SCPEP1: variants seen among roughly 807,000 people sequenced by gnomAD.
SCPEP1 encodes retinoid-inducible serine carboxypeptidase.
SCPEP1 carries 51 observed loss-of-function variants against 63.8 expected under a neutral mutation model. The observed-to-expected ratio is 0.80, with a 90% confidence interval of 0.64 to 1.01. The LOEUF is 1.01. Among genes scored for constraint, SCPEP1 ranks in the 50% least tolerant of loss-of-function variants. The pLI, the probability that SCPEP1 is intolerant of heterozygous loss-of-function variation, is 0.00. For synonymous variants in SCPEP1, 204 were observed against 207.8 expected, an observed-to-expected ratio of 0.98 and a Z score of 0.16; for missense variants, 499 against 554.9, an observed-to-expected ratio of 0.90 and a Z score of 1.01.
intron 2 of SCPEP1, among the ~76,000 whole-genome samples, chr17:56,981,827 A>G (rs1292220577): frequency 2.0e-5 from 3 of 152,148 alleles, no homozygotes; most frequent in Non-Finnish European, 2.9e-5. Flanking sequence ...ATCTCAAAAG[A>G]AAAAAGAAAA....
intron 3 of SCPEP1, 144 bp downstream of exon 3, chr17:56,985,611 G>A (rs929410687): frequency 5.5e-5 from 36 of 652,982 alleles, no homozygotes; most frequent in Non-Finnish European, 8.2e-5. Flanking sequence ...GCACTTGTCC[G>A]CAGGCTTCCT....
intron 12 of SCPEP1, among the ~76,000 whole-genome samples, chr17:57,004,155 T>C (rs1911818929): frequency 6.6e-6 from 1 of 152,252 alleles, no homozygotes; most frequent in African/African-American, 2.4e-5. Context: ...GCCAAGATAG[T>C]GCCATTGCAT....
At chr17:56,982,472 A>G (rs3095496) in intron 2 of SCPEP1, among the ~76,000 whole-genome samples, 25,625 of 152,186 alleles carry the variant, frequency 0.17, 2,373 homozygotes, top group African/African-American at 0.24. Context: ...GCTCAGCCCC[A>G]GGTGCGGTTA....
chr17:56,981,297 T>C, intron 2 of SCPEP1, 67 bp downstream of exon 2: 3 of 1,576,026 alleles, frequency 1.9e-6, no homozygotes, highest in Non-Finnish European at 2.6e-6. Context: ...CTTTGCTTGC[T>C]TTTTGGGCTG....
chr17:57,000,422 T>C (rs1343429989), intron 10 of SCPEP1, among the ~76,000 whole-genome samples: 2 of 152,092 alleles, frequency 1.3e-5, no homozygotes, highest in African/African-American at 4.8e-5. Context: ...TTAGGTTTGA[T>C]CTGGTTTATT....
intron 10 of SCPEP1, among the ~76,000 whole-genome samples, chr17:56,999,544 G>T (rs1168523704): frequency 6.6e-6 from 1 of 152,174 alleles, no homozygotes; most frequent in African/African-American, 2.4e-5. Context: ...CCTACGATTT[G>T]CTGCTGCTGG....
rs773879729 is a variant in SCPEP1 at position 56,978,140 on chromosome 17, G to A, written c.-20G>A. On this transcript the variant is annotated 5_prime_UTR_variant, in exon 1 of 13. It removes an upstream start codon present in the reference 5' UTR. Transcript: ENST00000262288. ...GCGCCGGGTCCAGCCTGTTGCTGAT[G>A]CTGCCGTGCGGTACTTGTCATGGAG... is the stretch of plus-strand genomic sequence containing the variant. 2.4e-6 allele frequency: 3 copies of A among 1,258,962 alleles called. No homozygotes were observed. Among genetic ancestry groups the A allele is most frequent in the South Asian group, 2.4e-5 (2 of 82,204 alleles). 78.0% of individuals were successfully genotyped at this position (1,258,962 alleles called of 1,614,324 possible).
At position 56,996,951 on chromosome 17, in the gene SCPEP1, T is replaced by C; in HGVS notation, c.787-11T>C. 6.3e-7 allele frequency: 1 copy of C among 1,583,854 alleles called. No individual in the cohort carries two copies. Among genetic ancestry groups the C allele is most frequent in the South Asian group, 1.1e-5 (1 of 87,390 alleles). ...ATGAAACAAACAGCCAAATAAACTT[T>C]TATATTTCAGAACACAGATGGGGTG... On this transcript the variant is annotated splice_polypyrimidine_tract_variant and intron_variant, in intron 8 of 12. Transcript: ENST00000262288.
Position 56,989,515 on chromosome 17 carries a change from T to C in SCPEP1, c.546+1225T>C, listed in dbSNP as rs1348673853. On this transcript the variant is annotated intron_variant, in intron 5 of 12. Coordinates refer to ENST00000262288, the MANE Select transcript of SCPEP1 (RefSeq NM_021626.3). ...TGTCCTATGGGAATACTTATACATA[T>C]GTATATGTCAGAGAATGTTTATTAT... Among the ~76,000 whole-genome samples, 5 of 152,244 alleles carry C rather than the reference T, an allele frequency of 3.3e-5. 1 individual carries two copies. In the East Asian group the frequency reaches 7.7e-4, roughly 23 times the overall value.
rs114628936 is a variant in SCPEP1 at position 56,987,330 on chromosome 17, C to T, written c.316-365C>T. 5.5e-3 allele frequency: 912 copies of T among 165,464 alleles called. 9 individuals are homozygous for T. The highest frequency in any genetic ancestry group is 0.02 in the African/African-American group (829 of 41,918). 10.2% of individuals were successfully genotyped at this position (165,464 alleles called of 1,614,324 possible). On this transcript the variant is annotated intron_variant, in intron 3 of 12. Transcript: ENST00000262288. The stretch of plus-strand genomic sequence containing the variant: ...GACTTTGAGTGTCCTCTGGCTTCTT[C>T]GAGTTAGTGCATAGACTGTCTCTGC...
In SCPEP1 at chr17:56,982,015, A is replaced by G. The variant is rs548469234; in HGVS notation, c.225+785A>G. ...CTGTTGCGCCTTCCCCCTTTCCCTGAGTGTGTTTGCATTTTAACCTTGAGC... is the reference window on the plus strand; with the variant it reads ...CTGTTGCGCCTTCCCCCTTTCCCTGGGTGTGTTTGCATTTTAACCTTGAGC... On this transcript the variant is annotated intron_variant, in intron 2 of 12. Coordinates refer to ENST00000262288, the MANE Select transcript of SCPEP1 (RefSeq NM_021626.3). Among the ~76,000 whole-genome samples the G allele has an allele frequency of 3.9e-4, 59 of 152,032 alleles. No individual in the cohort carries two copies. The South Asian group carries it at 0.012, about 32-fold the overall frequency.
intron 10 of SCPEP1, among the ~76,000 whole-genome samples, chr17:57,000,557 C>A (rs968726452): frequency 6.6e-6 from 1 of 152,188 alleles, no homozygotes; most frequent in Non-Finnish European, 1.5e-5. Flanking sequence ...TGAGTATTTC[C>A]TGGGCCTCTC....
rs374838899 is a variant in SCPEP1 at position 56,978,146 on chromosome 17, G to T, written c.-14G>T. 1.6e-4 allele frequency: 213 copies of T among 1,292,846 alleles called. No homozygotes were observed. The highest frequency in any genetic ancestry group is 2.1e-4 in the Non-Finnish European group (196 of 911,800). 80.1% of individuals were successfully genotyped at this position (1,292,846 alleles called of 1,614,324 possible). On this transcript the variant is annotated 5_prime_UTR_variant, in exon 1 of 13. Transcript: ENST00000262288. ...GGTCCAGCCTGTTGCTGATGCTGCCGTGCGGTACTTGTCATGGAGCTGGCA... is the reference window on the plus strand; with the variant it reads ...GGTCCAGCCTGTTGCTGATGCTGCCTTGCGGTACTTGTCATGGAGCTGGCA...
intron 6 of SCPEP1, 105 bp downstream of exon 6, chr17:56,991,276 C>G: frequency 1.1e-6 from 1 of 896,756 alleles, no homozygotes; most frequent in South Asian, 1.3e-5. Flanking sequence ...GGAGAATGTT[C>G]TGGGCCCTTA....
In SCPEP1 at chr17:57,002,011, T is replaced by G. The variant is rs777394449; in HGVS notation, c.1133-7T>G. The G allele has an allele frequency of 1.9e-6, 3 of 1,609,628 alleles. No individual in the cohort carries two copies. Among genetic ancestry groups the G allele is most frequent in the Non-Finnish European group, 2.5e-6 (3 of 1,178,748 alleles). On this transcript the variant is annotated splice_region_variant and splice_polypyrimidine_tract_variant and intron_variant, in intron 11 of 12. Transcript: ENST00000262288. The stretch of plus-strand genomic sequence containing the variant: ...TGCCAGGCCTTTCTCTTTGTCCTTC[T>G]CACCAGGTCAGGAGGCCTGGGTGCG...
At chr17:56,989,820 G>A (rs1376985261) in intron 5 of SCPEP1, among the ~76,000 whole-genome samples, 3 of 152,114 alleles carry the variant, frequency 2.0e-5, no homozygotes, top group South Asian at 2.1e-4. Flanking sequence ...GGTAGTGCAC[G>A]CCTGTAATCC....
intron 6 of SCPEP1, among the ~76,000 whole-genome samples, chr17:56,991,688 T>C (rs1911404735): frequency 6.6e-6 from 1 of 152,214 alleles, no homozygotes; most frequent in African/African-American, 2.4e-5. Flanking sequence ...TAAATAAGAG[T>C]TGTTTATGTT....
Position 57,006,172 on chromosome 17 carries a change from G to A in SCPEP1, c.1297-1G>A. The A allele has an allele frequency of 6.2e-7, 1 of 1,608,738 alleles. No individual in the cohort carries two copies. Among genetic ancestry groups the A allele is most frequent in the South Asian group, 1.1e-5 (1 of 90,478 alleles). On this transcript the variant is annotated splice_acceptor_variant, in intron 12 of 12. Transcript: ENST00000262288. LOFTEE classifies it high-confidence loss of function. ...CTAACTCAGATGTTGTTTTTTTCTA[G>A]GTTCCTTCTGACCAAGGGGACATGG...
intron 2 of SCPEP1, chr17:56,985,114 G>GAAAAGAAAAT (rs1162295732): frequency 4.0e-6 from 2 of 503,998 alleles, no homozygotes; most frequent in South Asian, 2.5e-5. Flanking sequence ...GAAAAGAAAA[G>GAAAAGAAAAT]AAAAGAAAAG....
Sources: gnomAD v4.1 joint callset for allele counts (sites outside exome capture counted in the v4.1 genomes callset) on GRCh38, gnomAD v4.1.1 for gene constraint, MANE v1.5 for transcripts, NCBI Gene and HGNC (gene_info 2026-07-23, HGNC 2026-07-21) for gene names.